Variants in RGS7 observed in about 807,000 individuals in gnomAD.
RGS7 encodes regulator of G-protein signaling 7.
A neutral mutation model predicts 81.1 loss-of-function variants in RGS7; 27 were observed. The ratio of observed to expected loss-of-function variants is 0.33; its 90% CI spans 0.25 to 0.46. The LOEUF is 0.46. RGS7 is among the 20% of genes least tolerant of loss of function. The pLI, the probability that RGS7 is intolerant of heterozygous loss-of-function variation, is 1.00. For synonymous variants in RGS7, 208 were observed against 207.7 expected (o/e 1.00, Z -0.01); for missense variants, 396 against 607.4 (o/e 0.65, Z 3.66).
At chr1:241,346,710 A>C (rs1573782179) in intron 2 of RGS7, among the ~76,000 whole-genome samples, 3 of 152,338 alleles carry the variant, frequency 2.0e-5, no homozygotes, top group African/African-American at 7.2e-5. Context: ...ATTTTTAGAA[A>C]AATAGAATAC....
At chr1:241,305,325 T>C (rs773691270) in intron 2 of RGS7, among the ~76,000 whole-genome samples, 36 of 152,142 alleles carry the variant, frequency 2.4e-4, no homozygotes, top group Non-Finnish European at 4.3e-4. Context: ...AGTTTCTAGA[T>C]GGAGTTTAAT....
chr1:241,135,314 C>T (rs2067424064), intron 2 of RGS7, among the ~76,000 whole-genome samples: 1 of 152,020 alleles, frequency 6.6e-6, no homozygotes, highest in Admixed American at 6.5e-5. Context: ...GTAGTCCCAG[C>T]TACTCGGGAG....
At chr1:240,799,293 G>C (rs1376771817) in intron 18 of RGS7, among the ~76,000 whole-genome samples, 2 of 146,142 alleles carry the variant, frequency 1.4e-5, no homozygotes, top group Admixed American at 6.7e-5. Flanking sequence ...ATGTTTGTGT[G>C]TGTGTGTGTG....
At chr1:241,251,571 G>A (rs934297782) in intron 2 of RGS7, among the ~76,000 whole-genome samples, 6 of 151,330 alleles carry the variant, frequency 4.0e-5, no homozygotes, top group African/African-American at 9.7e-5. Context: ...GTGCAATGGC[G>A]CGAGCTTGGC....
chr1:241,108,147 T>C (rs1452161246), intron 2 of RGS7, among the ~76,000 whole-genome samples: 2 of 151,394 alleles, frequency 1.3e-5, no homozygotes, highest in Non-Finnish European at 2.9e-5. Flanking sequence ...CTACTAAAAA[T>C]ACAAAAAGTA....
intron 2 of RGS7, among the ~76,000 whole-genome samples, chr1:241,131,090 T>A (rs575825604): frequency 3.9e-5 from 6 of 151,980 alleles, no homozygotes; most frequent in Middle Eastern, 6.8e-3. Flanking sequence ...ATGACATGAT[T>A]CATTTTTTTT....
chr1:241,252,468 C>T (rs1033975816), intron 2 of RGS7, among the ~76,000 whole-genome samples: 6 of 152,238 alleles, frequency 3.9e-5, no homozygotes, highest in Admixed American at 1.3e-4. Flanking sequence ...CACCCTCCCA[C>T]ACCCTGCAAC....
At chr1:241,079,634 G>A (rs906689269) in intron 3 of RGS7, among the ~76,000 whole-genome samples, 20 of 152,062 alleles carry the variant, frequency 1.3e-4, no homozygotes, top group Admixed American at 7.9e-4. Context: ...AACAGAAAGA[G>A]GCATGAGGAG....
chr1:241,222,299 T>C, intron 2 of RGS7, among the ~76,000 whole-genome samples: 1 of 152,184 alleles, frequency 6.6e-6, no homozygotes, highest in Non-Finnish European at 1.5e-5. Context: ...TAAAAAAATC[T>C]TAAAGCTTTG....
At chr1:241,036,877 T>C (rs1271722029) in intron 3 of RGS7, among the ~76,000 whole-genome samples, 1 of 152,176 alleles carries the variant, frequency 6.6e-6, no homozygotes, top group Admixed American at 6.5e-5. Flanking sequence ...CAACCTCCAG[T>C]TATTTTTGCC....
At chr1:240,888,230 C>T (rs1667703019) in intron 6 of RGS7, among the ~76,000 whole-genome samples, 1 of 152,180 alleles carries the variant, frequency 6.6e-6, no homozygotes, top group African/African-American at 2.4e-5. Flanking sequence ...CAGAGGGCGC[C>T]ATTGCACCAG....
rs772976755 is a variant in RGS7 at position 240,868,565 on chromosome 1, C to T, written c.609+22G>A. On this transcript the variant is annotated intron_variant, in intron 9 of 18. Coordinates refer to ENST00000440928, the MANE Select transcript of RGS7 (RefSeq NM_001364886.1). The surrounding 1 kb of genome is among the most constrained non-coding windows in gnomAD (Gnocchi z 5.1). ...ACAGACGGAGAAGATGGATTCAAGACGAGAGTGCGACGCTTGCTTACCACG... is the reference window on the plus strand; with the variant it reads ...ACAGACGGAGAAGATGGATTCAAGATGAGAGTGCGACGCTTGCTTACCACG... 2.0e-5 allele frequency: 33 copies of T among 1,610,848 alleles called. No individual in the cohort carries two copies. Among genetic ancestry groups the T allele is most frequent in the Admixed American group, 1.0e-4 (6 of 60,006 alleles).
At chr1:240,922,434 A>T (rs1334112647) in intron 6 of RGS7, among the ~76,000 whole-genome samples, 1 of 152,098 alleles carries the variant, frequency 6.6e-6, no homozygotes, top group African/African-American at 2.4e-5. Context: ...ACTGAAAGAC[A>T]AACTACAGAC....
At chr1:241,352,842 C>T (rs2083330983) in intron 2 of RGS7, among the ~76,000 whole-genome samples, 1 of 152,232 alleles carries the variant, frequency 6.6e-6, no homozygotes, top group Non-Finnish European at 1.5e-5. Context: ...AAGAAATTTA[C>T]ACATCCCAGC....
intron 2 of RGS7, among the ~76,000 whole-genome samples, chr1:241,124,550 A>G (rs1433802624): frequency 6.6e-6 from 1 of 152,226 alleles, no homozygotes; most frequent in Non-Finnish European, 1.5e-5. Context: ...TAGGGATGGC[A>G]TTCAAAGGAA....
intron 3 of RGS7, among the ~76,000 whole-genome samples, chr1:240,990,029 G>A (rs1453211123): frequency 6.6e-6 from 1 of 152,178 alleles, no homozygotes; most frequent in African/African-American, 2.4e-5. Context: ...CTCTGCCACT[G>A]AAGACGGCAA....
chr1:241,058,826 A>G (rs1227610819), intron 3 of RGS7, among the ~76,000 whole-genome samples: 4 of 152,280 alleles, frequency 2.6e-5, no homozygotes, highest in African/African-American at 9.6e-5. Context: ...GGTGAAATCT[A>G]AGGTCCTTTC....
chr1:241,057,065 T>C (rs551265758), intron 3 of RGS7, among the ~76,000 whole-genome samples: 107 of 151,404 alleles, frequency 7.1e-4, no homozygotes, highest in East Asian at 2.7e-3. Context: ...TTTTTTTTTT[T>C]CTGGGGTTAC....
intron 2 of RGS7, among the ~76,000 whole-genome samples, chr1:241,140,355 G>A (rs773703507): frequency 3.3e-5 from 5 of 152,110 alleles, no homozygotes; most frequent in African/African-American, 1.2e-4. Flanking sequence ...TTGGGTGACT[G>A]GTCCCTTATT....
Sources: gnomAD v4.1 joint callset for allele counts (sites outside exome capture counted in the v4.1 genomes callset) on GRCh38, gnomAD v4.1.1 for gene constraint, Gnocchi (gnomAD v3.1) non-coding constraint, MANE v1.5 for transcripts, NCBI Gene and HGNC (gene_info 2026-07-23, HGNC 2026-07-21) for gene names.